Variants in GALNT18 observed in about 807,000 individuals in gnomAD.
GALNT18 encodes the protein polypeptide N-acetylgalactosaminyltransferase 18.
GALNT18 carries 44 observed loss-of-function variants against 69.5 expected under a neutral mutation model. The ratio of observed to expected loss-of-function variants is 0.63; its 90% CI spans 0.50 to 0.81. The LOEUF (loss-of-function observed/expected upper bound fraction) is 0.81. Ranked by LOEUF, GALNT18 falls within the 40% of genes least tolerant of loss-of-function variation. The pLI, the probability that GALNT18 is intolerant of heterozygous loss-of-function variation, is 0.00. For synonymous variants in GALNT18, 364 were observed against 318.2 expected (o/e 1.14, Z -1.53); for missense variants, 715 against 810.0 (o/e 0.88, Z 1.42).
intron 1 of GALNT18, among the ~76,000 whole-genome samples, chr11:11,528,659 G>A (rs777216635): frequency 1.3e-5 from 2 of 152,212 alleles, no homozygotes; most frequent in Non-Finnish European, 2.9e-5. Flanking sequence ...CTGAGAACAA[G>A]GGAACCACCA....
In GALNT18 at chr11:11,314,419, C is replaced by G. The variant is rs115161899; in HGVS notation, c.1512+12667G>C. Among the ~76,000 whole-genome samples the G allele has an allele frequency of 6.6e-6, 1 of 151,812 alleles. No individual in the cohort carries two copies. Among genetic ancestry groups the G allele is most frequent in the Non-Finnish European group, 1.5e-5 (1 of 67,964 alleles). ...TTAGCATGGAAGCTGCAGGAGCAGC[C>G]CAGAGTTCACCATCACTTGGTGCAC... On this transcript the variant is annotated intron_variant, in intron 9 of 10. Coordinates refer to ENST00000227756, the MANE Select transcript of GALNT18 (RefSeq NM_198516.3). This position sits in a 1 kb window ranked among gnomAD's most constrained non-coding sequence, Gnocchi z 5.2.
intron 3 of GALNT18, among the ~76,000 whole-genome samples, chr11:11,388,840 C>T (rs1428322310): frequency 6.6e-6 from 1 of 152,230 alleles, no homozygotes; most frequent in Non-Finnish European, 1.5e-5. Flanking sequence ...AGCCTCACCT[C>T]GTTACCACCC....
chr11:11,604,574 G>A lies in GALNT18; in HGVS notation c.235+16785C>T, dbSNP rs563948519. 7.2e-5 allele frequency among the ~76,000 whole-genome samples: 11 copies of A among 152,190 alleles called. No individual in the cohort carries two copies. The highest frequency in any genetic ancestry group is 2.1e-4 in the South Asian group (1 of 4,828). On this transcript the variant is annotated intron_variant, in intron 1 of 10. Coordinates refer to ENST00000227756, the MANE Select transcript of GALNT18 (RefSeq NM_198516.3). This position sits in a 1 kb window ranked among gnomAD's most constrained non-coding sequence, Gnocchi z 5.6. ...CCGCCTGGCACCAAGTCTGCATGGC[G>A]GAGAGAAGGGTGATGTGGATCAGAA...
intron 2 of GALNT18, among the ~76,000 whole-genome samples, chr11:11,437,041 C>G (rs1292915391): frequency 6.6e-6 from 1 of 152,174 alleles, no homozygotes; most frequent in Non-Finnish European, 1.5e-5. Flanking sequence ...CCTGCCGCAG[C>G]CGGGACCCTG....
At chr11:11,453,789 C>G (rs1310617997) in intron 1 of GALNT18, among the ~76,000 whole-genome samples, 1 of 152,196 alleles carries the variant, frequency 6.6e-6, no homozygotes, top group Non-Finnish European at 1.5e-5. Context: ...CACCTTCCAC[C>G]ATGATTGTGA....
rs1856920305 is a variant in GALNT18 at position 11,498,876 on chromosome 11, T to G, written c.236-49940A>C. On this transcript the variant is annotated intron_variant, in intron 1 of 10. Coordinates refer to ENST00000227756, the MANE Select transcript of GALNT18 (RefSeq NM_198516.3). ...GGTAGCAATGTAATTGTAGTTACAG[T>G]CAGAGAAGATTAAATGGAAATATGC... 2.6e-5 allele frequency among the ~76,000 whole-genome samples: 4 copies of G among 152,224 alleles called. No individual in the cohort carries two copies. The South Asian group carries it at 8.3e-4, about 32-fold the overall frequency.
rs1252230971 is a variant in GALNT18 at position 11,459,976 on chromosome 11, G to A, written c.236-11040C>T. Among the ~76,000 whole-genome samples, 1 of 152,094 alleles carries A rather than the reference G, an allele frequency of 6.6e-6. No homozygotes were observed. The highest frequency in any genetic ancestry group is 1.9e-4 in the East Asian group (1 of 5,180). On this transcript the variant is annotated intron_variant, in intron 1 of 10. Transcript: ENST00000227756. The surrounding 1 kb of genome is among the most constrained non-coding windows in gnomAD (Gnocchi z 5.0). ...TTCCAGAGGCTGCCTGCATTCCTTG[G>A]CTTATGGCCTCTTCCTCCGTCTTCA...
chr11:11,452,825 G>C (rs1219040828), intron 1 of GALNT18, among the ~76,000 whole-genome samples: 1 of 152,166 alleles, frequency 6.6e-6, no homozygotes, highest in Non-Finnish European at 1.5e-5. Flanking sequence ...GCCCCTGCAG[G>C]CATTCAGACC....
rs73413647 is a variant in GALNT18, at chr11:11,587,796, C to A, written c.235+33563G>T. On this transcript the variant is annotated intron_variant, in intron 1 of 10. Coordinates refer to ENST00000227756, the MANE Select transcript of GALNT18 (RefSeq NM_198516.3). The surrounding 1 kb of genome is among the most constrained non-coding windows in gnomAD (Gnocchi z 4.4). Reference sequence around the variant, plus strand: ...CAATGGTTGGTAAAGCCCACCCCATCTCTAGCCCCCACCCTTTCATTTCAT... The same window carrying A: ...CAATGGTTGGTAAAGCCCACCCCATATCTAGCCCCCACCCTTTCATTTCAT... Among the ~76,000 whole-genome samples, 2,410 of 152,196 alleles carry A rather than the reference C, an allele frequency of 0.016. 68 individuals carry two copies. Among genetic ancestry groups the A allele is most frequent in the African/African-American group, 0.054 (2,246 of 41,528 alleles).
rs543625043 is a variant in GALNT18, at chr11:11,342,861, G to A, written c.1093-1857C>T. 2.0e-4 allele frequency among the ~76,000 whole-genome samples: 30 copies of A among 152,294 alleles called. 1 individual carries two copies. In the South Asian group the frequency reaches 5.8e-3, roughly 30 times the overall value. On this transcript the variant is annotated intron_variant, in intron 6 of 10. Transcript: ENST00000227756. ...TTCCTCCTCTCCATGGGGATCATGAGTACCTATCTATCTCAGAAGGTCACT... is the reference window on the plus strand; with the variant it reads ...TTCCTCCTCTCCATGGGGATCATGAATACCTATCTATCTCAGAAGGTCACT...
intron 1 of GALNT18, among the ~76,000 whole-genome samples, chr11:11,572,569 CTGTG>C (rs909998068): frequency 1.3e-5 from 2 of 152,204 alleles, no homozygotes; most frequent in Non-Finnish European, 2.9e-5. Context: ...AGTGCTGTGT[CTGTG>C]TGAGAAGCTG....
At chr11:11,588,146 T>C (rs752347007) in intron 1 of GALNT18, among the ~76,000 whole-genome samples, 1 of 152,136 alleles carries the variant, frequency 6.6e-6, no homozygotes, top group Non-Finnish European at 1.5e-5. Flanking sequence ...AAGTGAGCCA[T>C]ACCCCCTTCC....
intron 1 of GALNT18, among the ~76,000 whole-genome samples, chr11:11,608,369 T>G (rs550890661): frequency 6.1e-4 from 92 of 151,134 alleles, no homozygotes; most frequent in African/African-American, 2.0e-3. Context: ...TGTTTTTTGG[T>G]TTTTTTTTGA....
In GALNT18 at chr11:11,583,067, C is replaced by G. The variant is rs1859124784; in HGVS notation, c.235+38292G>C. On this transcript the variant is annotated intron_variant, in intron 1 of 10. Coordinates refer to ENST00000227756, the MANE Select transcript of GALNT18 (RefSeq NM_198516.3). The surrounding 1 kb of genome is among the most constrained non-coding windows in gnomAD (Gnocchi z 4.7). ...TCAACTCAGGAAGGTCGTTCATGTG[C>G]TCTTCCATAAAAACCAGGAGGGCCA... is the stretch of plus-strand genomic sequence containing the variant. Among the ~76,000 whole-genome samples the G allele has an allele frequency of 6.6e-6, 1 of 152,226 alleles. No homozygotes were observed. The highest frequency in any genetic ancestry group is 1.5e-5 in the Non-Finnish European group (1 of 68,034).
At position 11,320,209 on chromosome 11, in the gene GALNT18, C is replaced by T. The variant is rs1266989586; in HGVS notation, c.1512+6877G>A. On this transcript the variant is annotated intron_variant, in intron 9 of 10. Coordinates refer to ENST00000227756, the MANE Select transcript of GALNT18 (RefSeq NM_198516.3). This position sits in a 1 kb window ranked among gnomAD's most constrained non-coding sequence, Gnocchi z 4.9. ...CTTTCAGCATTTTCAGGCTTCCTATCAAGTGTGATGCTTAGGGAGGAATAT... is the reference window on the plus strand; with the variant it reads ...CTTTCAGCATTTTCAGGCTTCCTATTAAGTGTGATGCTTAGGGAGGAATAT... Among the ~76,000 whole-genome samples, 3 of 152,142 alleles carry T rather than the reference C, an allele frequency of 2.0e-5. No individual in the cohort carries two copies. Among genetic ancestry groups the T allele is most frequent in the Admixed American group, 2.0e-4 (3 of 15,274 alleles).
At chr11:11,410,035 G>A (rs1016036818) in intron 3 of GALNT18, among the ~76,000 whole-genome samples, 8 of 151,910 alleles carry the variant, frequency 5.3e-5, no homozygotes, top group Non-Finnish European at 8.8e-5. Flanking sequence ...GGCACCCTCC[G>A]CCTCTCCCCA....
Position 11,463,312 on chromosome 11 carries a change from C to T in GALNT18, c.236-14376G>A, listed in dbSNP as rs1394041451. Among the ~76,000 whole-genome samples, 2 of 152,166 alleles carry T rather than the reference C, an allele frequency of 1.3e-5. No individual in the cohort carries two copies. Among genetic ancestry groups the T allele is most frequent in the African/African-American group, 4.8e-5 (2 of 41,418 alleles). ...AGATTCTTCTAGTCCCAAGTGGTTG[C>T]TCACTGCTTATAGCAAGAGCATTAA... On this transcript the variant is annotated intron_variant, in intron 1 of 10. Coordinates refer to ENST00000227756, the MANE Select transcript of GALNT18 (RefSeq NM_198516.3). The surrounding 1 kb of genome is among the most constrained non-coding windows in gnomAD (Gnocchi z 4.2).
intron 1 of GALNT18, among the ~76,000 whole-genome samples, chr11:11,553,829 C>T (rs1268089427): frequency 6.6e-6 from 1 of 152,158 alleles, no homozygotes; most frequent in Non-Finnish European, 1.5e-5. Context: ...CCTGCCATGT[C>T]CCTGATTGCA....
At chr11:11,438,751 G>C (rs1237020788) in intron 2 of GALNT18, among the ~76,000 whole-genome samples, 1 of 152,206 alleles carries the variant, frequency 6.6e-6, no homozygotes, top group African/African-American at 2.4e-5. Context: ...GGGGCGAAAT[G>C]AAGGAGTTGT....
Sources: gnomAD v4.1 joint callset for allele counts (sites outside exome capture counted in the v4.1 genomes callset) on GRCh38, gnomAD v4.1.1 for gene constraint, Gnocchi (gnomAD v3.1) non-coding constraint, MANE v1.5 for transcripts, NCBI Gene and HGNC (gene_info 2026-07-23, HGNC 2026-07-21) for gene names.